Variants in KRABD5 observed in about 807,000 individuals in gnomAD.
KRABD5 encodes KRAB domain containing 5.
At chr16:31,716,534 C>T in the KRABD5 span, among the ~76,000 whole-genome samples, 1 of 152,186 alleles carries the variant, frequency 6.6e-6, no homozygotes, top group African/African-American at 2.4e-5. Flanking sequence ...GCCCCCCACA[C>T]CTGGCTAATT....
At chr16:31,753,087 G>A in the KRABD5 span, among the ~76,000 whole-genome samples, 1 of 152,116 alleles carries the variant, frequency 6.6e-6, no homozygotes, top group Non-Finnish European at 1.5e-5. Context: ...ATTATGGAAT[G>A]AATTTGTACA....
chr16:31,724,395 G>T, the KRABD5 span, among the ~76,000 whole-genome samples: 5 of 152,020 alleles, frequency 3.3e-5, no homozygotes, highest in Non-Finnish European at 7.4e-5. Flanking sequence ...GAACATTAAA[G>T]ATCTACTGTG....
the KRABD5 span, chr16:31,713,548 A>G: frequency 7.7e-6 from 11 of 1,425,280 alleles, no homozygotes; most frequent in East Asian, 1.1e-4. Flanking sequence ...CGCGGACGCA[A>G]CTCGGCCCTT....
At chr16:31,715,835 A>G in the KRABD5 span, among the ~76,000 whole-genome samples, 10 of 152,168 alleles carry the variant, frequency 6.6e-5, no homozygotes, top group East Asian at 1.9e-3. Flanking sequence ...GGCTGGAGAG[A>G]GACTCTGGGT....
At chr16:31,715,790 A>G in the KRABD5 span, among the ~76,000 whole-genome samples, 1 of 152,168 alleles carries the variant, frequency 6.6e-6, no homozygotes, top group East Asian at 1.9e-4. Flanking sequence ...AGCAAACTCC[A>G]CACAGTGTCA....
At chr16:31,729,747 G>A in the KRABD5 span, among the ~76,000 whole-genome samples, 3 of 150,876 alleles carry the variant, frequency 2.0e-5, no homozygotes, top group Non-Finnish European at 4.4e-5. Flanking sequence ...TTAATTTTTT[G>A]TCTTGTTTTT....
chr16:31,749,376 C>T, the KRABD5 span, among the ~76,000 whole-genome samples: 4 of 152,210 alleles, frequency 2.6e-5, no homozygotes, highest in African/African-American at 7.2e-5. Context: ...ACCCTGGGAG[C>T]TTAGCATGTT....
At chr16:31,718,193 C>A in the KRABD5 span, among the ~76,000 whole-genome samples, 1 of 152,146 alleles carries the variant, frequency 6.6e-6, no homozygotes, top group South Asian at 2.1e-4. Context: ...GAACCCAGGT[C>A]CTGGGGTTCT....
chr16:31,723,827 C>T, the KRABD5 span, among the ~76,000 whole-genome samples: 1 of 152,048 alleles, frequency 6.6e-6, no homozygotes, highest in Non-Finnish European at 1.5e-5. Flanking sequence ...ATTTCTAATC[C>T]TATGGTGGTT....
the KRABD5 span, among the ~76,000 whole-genome samples, chr16:31,721,350 CT>C: frequency 6.6e-6 from 1 of 152,018 alleles, no homozygotes; most frequent in East Asian, 1.9e-4. Flanking sequence ...TTTTCATCTT[CT>C]TCTCAGTTGT....
At chr16:31,753,120 G>GTC in the KRABD5 span, among the ~76,000 whole-genome samples, 4 of 152,096 alleles carry the variant, frequency 2.6e-5, no homozygotes, top group African/African-American at 9.7e-5. Context: ...TACCCATCAG[G>GTC]TACTCTAGTC....
the KRABD5 span, chr16:31,723,235 T>C: frequency 1.2e-6 from 2 of 1,607,612 alleles, no homozygotes; most frequent in Non-Finnish European, 1.7e-6. Flanking sequence ...GCAAGAGTCA[T>C]GTGACTTTTT....
chr16:31,733,542 T>A, the KRABD5 span: 1 of 456,252 alleles, frequency 2.2e-6, no homozygotes, highest in Non-Finnish European at 4.4e-6. Flanking sequence ...AAACAACAAA[T>A]TGTCCTTTCC....
the KRABD5 span, among the ~76,000 whole-genome samples, chr16:31,740,362 C>T: frequency 6.6e-6 from 1 of 152,168 alleles, no homozygotes. Flanking sequence ...CTGTTGAACC[C>T]TCTAGTGAAT....
chr16:31,715,613 C>T, the KRABD5 span, among the ~76,000 whole-genome samples: 7 of 152,170 alleles, frequency 4.6e-5, no homozygotes, highest in Non-Finnish European at 1.0e-4. Flanking sequence ...AACTTACAGG[C>T]AGTAGCTCAG....
the KRABD5 span, among the ~76,000 whole-genome samples, chr16:31,746,189 T>C: frequency 1.3e-5 from 2 of 152,168 alleles, no homozygotes; most frequent in African/African-American, 4.8e-5. Context: ...TGTGCACTAG[T>C]TGATGTGGTT....
chr16:31,738,035 T>TTACTACAACAGAA, the KRABD5 span, among the ~76,000 whole-genome samples: 1 of 152,256 alleles, frequency 6.6e-6, no homozygotes, highest in Non-Finnish European at 1.5e-5. Flanking sequence ...AATTTCTAGT[T>TTACTACAACAGAA]TTATTCTGTT....
chr16:31,754,062 C>T, the KRABD5 span: 2 of 874,774 alleles, frequency 2.3e-6, no homozygotes, highest in South Asian at 1.4e-5. Context: ...TAAGTGTCAA[C>T]ATCAATTTTT....
the KRABD5 span, among the ~76,000 whole-genome samples, chr16:31,736,786 C>T: frequency 6.6e-5 from 10 of 152,240 alleles, no homozygotes; most frequent in Admixed American, 5.9e-4. Context: ...TCCCAAAGTG[C>T]TGGGATTACA....
Sources: gnomAD v4.1 joint callset for allele counts (sites outside exome capture counted in the v4.1 genomes callset) on GRCh38, gnomAD v4.1.1 for gene constraint, MANE v1.5 for transcripts, NCBI Gene and HGNC (gene_info 2026-07-23, HGNC 2026-07-21) for gene names.